Variants in ZNF362 observed in about 807,000 individuals in gnomAD.
ZNF362 encodes the protein zinc finger protein 362.
A neutral mutation model predicts 42.9 loss-of-function variants in ZNF362; 11 were observed. The ratio of observed to expected loss-of-function variants is 0.26; its 90% CI spans 0.16 to 0.42. The LOEUF is 0.42. Ranked by LOEUF, ZNF362 falls within the 20% of genes least tolerant of loss-of-function variation. The pLI, the probability that ZNF362 is intolerant of heterozygous loss-of-function variation, is 1.00. For synonymous variants in ZNF362, 255 were observed against 257.3 expected (o/e 0.99, Z 0.09); for missense variants, 362 against 576.2 (o/e 0.63, Z 3.81).
At chr1:33,170,036 C>G in the ZNF362 span, among the ~76,000 whole-genome samples, 1 of 152,166 alleles carries the variant, frequency 6.6e-6, no homozygotes, top group South Asian at 2.1e-4. Context: ...TCAATCTCCC[C>G]TACTAGGCCG....
At position 33,276,521 on chromosome 1, in the gene ZNF362, G is replaced by A. The variant is rs764625080; in HGVS notation, c.276G>A (p.Pro92=). 14 of 1,549,574 alleles carry A rather than the reference G, an allele frequency of 9.0e-6. No homozygotes were observed. The highest frequency in any genetic ancestry group is 2.4e-5 in the South Asian group (2 of 84,534). ...VMSLPKLQQV[P]GLHPQAVPQP... ...CGCTGCCCAAGCTGCAGCAGGTGCC[G>A]GGGCTGCATCCACAGGCGGTGCCGC... The change falls in exon 4 of 9, where the codon CCG becomes CCA. Residue 92 remains proline, a synonymous_variant. Coordinates refer to ENST00000539719, the MANE Select transcript of ZNF362 (RefSeq NM_152493.3).
At position 33,294,816 on chromosome 1, in the gene ZNF362, C is replaced by T. The variant is rs970349782; in HGVS notation, c.909-121C>T. 3 of 1,080,150 alleles carry T rather than the reference C, an allele frequency of 2.8e-6. No homozygotes were observed. In the African/African-American group the frequency reaches 4.7e-5, roughly 17 times the overall value. 66.9% of individuals were successfully genotyped at this position (1,080,150 alleles called of 1,614,324 possible). A position where few individuals can be genotyped will look rare whatever the true frequency, so the allele number is the denominator to read the frequency against. On this transcript the variant is annotated intron_variant, in intron 6 of 8. Transcript: ENST00000539719. This position sits in a 1 kb window ranked among gnomAD's most constrained non-coding sequence, Gnocchi z 4.2. ...CTCTTGCCTGGGCTCACTCTTGGTC[C>T]TTGGGGAGCATGGGCAGGGTAGGGA...
chr1:33,136,633 G>A, the ZNF362 span, among the ~76,000 whole-genome samples: 4 of 151,664 alleles, frequency 2.6e-5, no homozygotes, highest in Non-Finnish European at 5.9e-5. Context: ...GCCTCCCAAA[G>A]TGCTGGGATT....
At chr1:33,174,939 A>ATG in the ZNF362 span, among the ~76,000 whole-genome samples, 1,068 of 32,574 alleles carry the variant, frequency 0.033, 10 homozygotes, top group African/African-American at 0.07. Flanking sequence ...ACATACATAT[A>ATG]TGTGTGTATA....
the ZNF362 span, among the ~76,000 whole-genome samples, chr1:33,149,266 C>T: frequency 6.6e-6 from 1 of 152,324 alleles, no homozygotes; most frequent in East Asian, 1.9e-4. Flanking sequence ...GATTCTCATG[C>T]CTCAGCCTCT....
rs1242614487 is a variant in ZNF362, at chr1:33,266,986, C to G, written c.-88-3501C>G. ...GCGCCCTGGGAAGGCTCTCCTTCGG[C>G]TTGGTCCTCCCCGCTGGGGCCCCTG... On this transcript the variant is annotated intron_variant, in intron 1 of 8. Coordinates refer to ENST00000539719, the MANE Select transcript of ZNF362 (RefSeq NM_152493.3). The surrounding 1 kb of genome is among the most constrained non-coding windows in gnomAD (Gnocchi z 4.3). Among the ~76,000 whole-genome samples, 1 of 152,158 alleles carries G rather than the reference C, an allele frequency of 6.6e-6. No individual in the cohort carries two copies. Among genetic ancestry groups the G allele is most frequent in the Non-Finnish European group, 1.5e-5 (1 of 68,010 alleles).
the ZNF362 span, among the ~76,000 whole-genome samples, chr1:33,133,844 T>C: frequency 3.3e-5 from 5 of 152,244 alleles, no homozygotes; most frequent in African/African-American, 1.2e-4. Flanking sequence ...TGGCCAATTG[T>C]TCTTCCCCTA....
the ZNF362 span, among the ~76,000 whole-genome samples, chr1:33,144,135 C>CTTTTTTTT: frequency 1.4e-5 from 2 of 146,514 alleles, no homozygotes; most frequent in East Asian, 2.0e-4. Flanking sequence ...AATGTTACTT[C>CTTTTTTTT]TTTTTTTTTT....
intron 1 of ZNF362, among the ~76,000 whole-genome samples, chr1:33,267,576 T>C (rs1645873211): frequency 6.6e-6 from 1 of 152,182 alleles, no homozygotes; most frequent in African/African-American, 2.4e-5. Flanking sequence ...CTTTAGGGCC[T>C]GATTGTCTGG....
intron 4 of ZNF362, among the ~76,000 whole-genome samples, chr1:33,277,068 C>A (rs915309635): frequency 2.6e-5 from 4 of 152,204 alleles, no homozygotes; most frequent in African/African-American, 9.6e-5. Flanking sequence ...TAGGACAGAC[C>A]GTCTGGGGTG....
At chr1:33,166,546 G>C in the ZNF362 span, among the ~76,000 whole-genome samples, 8 of 152,034 alleles carry the variant, frequency 5.3e-5, no homozygotes, top group African/African-American at 1.9e-4. Context: ...TAACCCTAAG[G>C]GAGGCACAAT....
the ZNF362 span, chr1:33,199,671 A>G: frequency 6.6e-6 from 1 of 152,254 alleles, no homozygotes; most frequent in Non-Finnish European, 1.5e-5. Context: ...ATAATCAACA[A>G]TTTAGAGCAA....
the ZNF362 span, among the ~76,000 whole-genome samples, chr1:33,214,731 G>A: frequency 6.6e-6 from 1 of 152,094 alleles, no homozygotes; most frequent in African/African-American, 2.4e-5. Context: ...ATGATTGATA[G>A]GTGTTTGAAA....
the ZNF362 span, among the ~76,000 whole-genome samples, chr1:33,190,290 G>A: frequency 6.6e-6 from 1 of 152,132 alleles, no homozygotes; most frequent in African/African-American, 2.4e-5. Context: ...ATCTCTGTGG[G>A]TAAGGGCCCC....
chr1:33,195,018 A>G, the ZNF362 span: 1 of 152,222 alleles, frequency 6.6e-6, no homozygotes, highest in Non-Finnish European at 1.5e-5. Context: ...CATATTGAAG[A>G]GACTGAAAAA....
intron 1 of ZNF362, among the ~76,000 whole-genome samples, chr1:33,260,675 G>C (rs1645823046): frequency 6.6e-6 from 1 of 152,208 alleles, no homozygotes; most frequent in African/African-American, 2.4e-5. Flanking sequence ...TTCTGGTGTG[G>C]TGTGGCTGGG....
the ZNF362 span, among the ~76,000 whole-genome samples, chr1:33,231,737 T>G: frequency 6.6e-6 from 1 of 152,116 alleles, no homozygotes; most frequent in Non-Finnish European, 1.5e-5. Context: ...CAATTAATAT[T>G]TGTGGACTGA....
At chr1:33,207,821 A>T in the ZNF362 span, among the ~76,000 whole-genome samples, 6 of 152,048 alleles carry the variant, frequency 3.9e-5, no homozygotes, top group Non-Finnish European at 8.8e-5. Flanking sequence ...AATTTGTTTA[A>T]GTTCTTTGTA....
At chr1:33,270,815 G>A (rs1257001865) in intron 2 of ZNF362, among the ~76,000 whole-genome samples, 1 of 152,104 alleles carries the variant, frequency 6.6e-6, no homozygotes, top group Non-Finnish European at 1.5e-5. Flanking sequence ...CAGCTGCTGG[G>A]TCCCCATCAG....
Sources: allele counts gnomAD v4.1 joint callset (sites outside exome capture counted in the v4.1 genomes callset), GRCh38; gene constraint gnomAD v4.1.1; non-coding constraint Gnocchi (gnomAD v3.1); transcripts MANE v1.5; gene names NCBI Gene and HGNC (gene_info 2026-07-23, HGNC 2026-07-21).